The following GALC variants were observed in gnomAD, a reference collection of about 807,000 sequenced individuals.
GALC encodes galactocerebrosidase.
A neutral mutation model predicts 91.8 loss-of-function variants in GALC; 77 were observed. That is an observed-to-expected ratio of 0.84 (90% CI 0.70 to 1.01). GALC has a LOEUF of 1.01. GALC is among the 50% of genes least tolerant of loss of function. The pLI, the probability that GALC is intolerant of heterozygous loss-of-function variation, is 0.00. For synonymous variants in GALC, 357 were observed against 306.7 expected, an observed-to-expected ratio of 1.16 and a Z score of -1.71; for missense variants, 882 against 855.9, an observed-to-expected ratio of 1.03 and a Z score of -0.38.
chr14:87,968,910 C>A (rs541606127), intron 7 of GALC, among the ~76,000 whole-genome samples: 31 of 152,044 alleles, frequency 2.0e-4, no homozygotes, highest in African/African-American at 6.7e-4. Context: ...GAGCTTGGGG[C>A]AATAGTAAAC....
intron 8 of GALC, 148 bp downstream of exon 8, chr14:87,968,187 A>T (rs1886133622): frequency 1.6e-6 from 1 of 625,184 alleles, no homozygotes; most frequent in Admixed American, 3.0e-5. Context: ...TAGATTAGGT[A>T]TAGGTATACA....
chr14:87,972,727 A>G (rs1021934287), intron 7 of GALC, among the ~76,000 whole-genome samples: 1 of 151,894 alleles, frequency 6.6e-6, no homozygotes. Flanking sequence ...GGAATATAGA[A>G]TAGTAAGGAT....
chr14:87,943,554 C>T (rs1480014576), intron 14 of GALC, among the ~76,000 whole-genome samples: 2 of 151,974 alleles, frequency 1.3e-5, no homozygotes, highest in Non-Finnish European at 2.9e-5. Context: ...AGAGAATGGG[C>T]TACTCAGTCA....
chr14:87,943,454 A>G (rs1369026685), intron 14 of GALC, among the ~76,000 whole-genome samples: 1 of 152,038 alleles, frequency 6.6e-6, no homozygotes, highest in African/African-American at 2.4e-5. Context: ...CAGATTTACT[A>G]AAATAGCACT....
chr14:87,944,664 T>G (rs567299319), intron 14 of GALC, among the ~76,000 whole-genome samples: 3 of 152,176 alleles, frequency 2.0e-5, no homozygotes, highest in African/African-American at 7.2e-5. Context: ...TAAAAGTTTC[T>G]TAAGACTTAT....
chr14:87,986,990 G>A (rs1451263897), intron 3 of GALC: 9 of 446,776 alleles, frequency 2.0e-5, no homozygotes, highest in Non-Finnish European at 3.1e-5. Flanking sequence ...GCTTTTCAAC[G>A]CTGGATATGA....
At chr14:87,974,572 A>G (rs1388107013) in intron 7 of GALC, among the ~76,000 whole-genome samples, 1 of 152,118 alleles carries the variant, frequency 6.6e-6, no homozygotes, top group East Asian at 1.9e-4. Flanking sequence ...GTTCAAGTGG[A>G]CAAAATCGTT....
In GALC at chr14:87,986,836, C is replaced by A. The variant is rs1397363917; in HGVS notation, c.329-234G>T. ...TGTAAAAGTCTTAATAAAACCACAA[C>A]CTTCTATTACAAGCAGTACTGAGAG... On this transcript the variant is annotated intron_variant, in intron 3 of 16. Coordinates refer to ENST00000261304, the MANE Select transcript of GALC (RefSeq NM_000153.4). 4 of 548,112 alleles carry A rather than the reference C, an allele frequency of 7.3e-6. No individual in the cohort carries two copies. The Admixed American group carries it at 1.2e-4, about 16-fold the overall frequency. 34.0% of individuals were successfully genotyped at this position (548,112 alleles called of 1,614,324 possible). A position where few individuals can be genotyped will look rare whatever the true frequency, so the allele number is the denominator to read the frequency against.
At chr14:87,968,134 CTTTATTTAATA>C (rs967932657) in intron 8 of GALC, among the ~76,000 whole-genome samples, 190 bp downstream of exon 8, 2 of 151,910 alleles carry the variant, frequency 1.3e-5, no homozygotes, top group Non-Finnish European at 2.9e-5. Flanking sequence ...ATAAACCTGA[CTTTATTTAATA>C]TAGACTATAT....
rs376099163 is a variant in GALC at position 87,934,810 on chromosome 14, C to G, written c.1980G>C (p.Lys660Asn). 1.9e-6 allele frequency: 3 copies of G among 1,613,192 alleles called. No homozygotes were observed. The highest frequency in any genetic ancestry group is 2.5e-6 in the Non-Finnish European group (3 of 1,179,450). Reference protein sequence around the residue: ...LWTDIPVNFPKNGWAAIGTHS... With the variant: ...LWTDIPVNFPNNGWAAIGTHS... ...GAGTTCCAATTGCAGCCCAGCCATT[C>G]TTTGGAAAATTCACAGGGATGTCTG... The change falls in exon 17 of 17, where the codon AAG becomes AAC. Residue 660 changes from lysine (K) to asparagine (N), a missense_variant. Coordinates refer to ENST00000261304, the MANE Select transcript of GALC (RefSeq NM_000153.4).
intron 14 of GALC, 88 bp downstream of exon 14, chr14:87,945,465 G>T: frequency 1.1e-6 from 1 of 950,758 alleles, no homozygotes; most frequent in Non-Finnish European, 1.7e-6. Context: ...GAAATAGGAG[G>T]ACCATTGAAA....
chr14:87,977,044 G>GT (rs59046532), intron 6 of GALC, among the ~76,000 whole-genome samples: 3,254 of 124,632 alleles, frequency 0.026, 189 homozygotes, highest in African/African-American at 0.086. Context: ...GGGGGGGGGG[G>GT]ATGAAACAAA....
At position 87,947,813 on chromosome 14, in the gene GALC, A is replaced by G; in HGVS notation, c.1404T>C (p.Thr468=). ...AGCTGCCTTTGCGACCAGTGGTGAG[A>G]GTGGTGAGTGTGAACAGCTCATCTT... ...LHEDELFTLT[T]LTTGRKGSYP... Residue 468 remains threonine, a synonymous_variant, in exon 13 of 17, where the codon ACT becomes ACC. Coordinates refer to ENST00000261304, the MANE Select transcript of GALC (RefSeq NM_000153.4). 2 of 1,612,790 alleles carry G rather than the reference A, an allele frequency of 1.2e-6. No homozygotes were observed. The highest frequency in any genetic ancestry group is 1.7e-6 in the Non-Finnish European group (2 of 1,179,166).
At chr14:87,945,526 G>C in intron 14 of GALC, 27 bp downstream of exon 14, 1 of 1,511,538 alleles carries the variant, frequency 6.6e-7, no homozygotes, top group Non-Finnish European at 9.2e-7. Flanking sequence ...ATTTCAGCCA[G>C]ATCCACATTG....
At chr14:87,949,328 G>A (rs1191656392) in intron 12 of GALC, among the ~76,000 whole-genome samples, 6 of 151,932 alleles carry the variant, frequency 3.9e-5, no homozygotes, top group Non-Finnish European at 5.9e-5. Flanking sequence ...AGGATAATGA[G>A]GGCCATGTGC....
chr14:87,945,135 T>A (rs1885014536), intron 14 of GALC, among the ~76,000 whole-genome samples: 1 of 152,046 alleles, frequency 6.6e-6, no homozygotes, highest in South Asian at 2.1e-4. Context: ...GGTAAATCTT[T>A]TAATAAGGCT....
intron 7 of GALC, among the ~76,000 whole-genome samples, chr14:87,972,362 C>G (rs74404031): frequency 2.6e-5 from 4 of 151,986 alleles, no homozygotes; most frequent in Non-Finnish European, 5.9e-5. Context: ...TTAGTAGTTA[C>G]CTTTAAGGCA....
At chr14:87,957,062 C>T (rs1000404443) in intron 10 of GALC, among the ~76,000 whole-genome samples, 3 of 151,926 alleles carry the variant, frequency 2.0e-5, no homozygotes, top group Non-Finnish European at 2.9e-5. Flanking sequence ...ATAGACATAT[C>T]TTCTTTTAAG....
chr14:87,988,406 C>T, intron 2 of GALC, 49 bp downstream of exon 2: 2 of 1,372,976 alleles, frequency 1.5e-6, no homozygotes, highest in Non-Finnish European at 2.1e-6. Flanking sequence ...ATTCACCATC[C>T]AATTTCTAAA....
Sources: gnomAD v4.1 joint callset for allele counts (sites outside exome capture counted in the v4.1 genomes callset) on GRCh38, gnomAD v4.1.1 for gene constraint, MANE v1.5 for transcripts, NCBI Gene and HGNC (gene_info 2026-07-23, HGNC 2026-07-21) for gene names.